MYO16: variants seen among roughly 807,000 people sequenced by gnomAD.
MYO16 encodes the protein unconventional myosin-XVI.
MYO16 carries 94 observed loss-of-function variants against 205.3 expected under a neutral mutation model. The ratio of observed to expected loss-of-function variants is 0.46; its 90% CI spans 0.39 to 0.54. The LOEUF is 0.54. Ranked by LOEUF, MYO16 falls within the 20% of genes least tolerant of loss-of-function variation. The pLI, the probability that MYO16 is intolerant of heterozygous loss-of-function variation, is 0.00. For missense variants in MYO16, 2,315 were observed against 2,387.5 expected (o/e 0.97, Z 0.63); for synonymous variants, 988 against 954.0 (o/e 1.04, Z -0.66).
Position 109,030,223 on chromosome 13 carries a change from G to T in MYO16, c.2796+10312G>T, listed in dbSNP as rs547661225. On this transcript the variant is annotated intron_variant, in intron 23 of 34. Transcript: ENST00000457511. ...TTAATGGGAAAGTAAAAGAATAGAAGCTCTTGCTTATAAATATTGATGATA... is the reference window on the plus strand; with the variant it reads ...TTAATGGGAAAGTAAAAGAATAGAATCTCTTGCTTATAAATATTGATGATA... Among the ~76,000 whole-genome samples the T allele has an allele frequency of 4.2e-4, 63 of 149,902 alleles. 1 individual carries two copies. The highest frequency in any genetic ancestry group is 2.7e-3 in the Admixed American group (41 of 15,084).
At chr13:108,611,255 C>G (rs1055944275) in intron 1 of MYO16, among the ~76,000 whole-genome samples, 2 of 151,874 alleles carry the variant, frequency 1.3e-5, no homozygotes, top group African/African-American at 4.8e-5. Context: ...TGGATCTGCT[C>G]TATTGTTTTC....
intron 4 of MYO16, among the ~76,000 whole-genome samples, chr13:108,778,367 C>T (rs999630281): frequency 2.6e-5 from 4 of 152,162 alleles, no homozygotes; most frequent in African/African-American, 9.7e-5. Flanking sequence ...GCCTGTGATC[C>T]CAACACTTTG....
chr13:108,637,554 CT>C (rs893153616), intron 1 of MYO16, among the ~76,000 whole-genome samples: 8 of 152,002 alleles, frequency 5.3e-5, no homozygotes, highest in African/African-American at 1.9e-4. Flanking sequence ...ACTCCTGGTC[CT>C]TTTCAAGGAG....
intron 1 of MYO16, among the ~76,000 whole-genome samples, chr13:108,610,429 G>A (rs1316164584): frequency 6.6e-6 from 1 of 152,062 alleles, no homozygotes; most frequent in East Asian, 1.9e-4. Context: ...GACCTGGAGC[G>A]CTTTGTGGGC....
At chr13:108,801,711 C>T (rs1367180842) in intron 6 of MYO16, among the ~76,000 whole-genome samples, 1 of 152,138 alleles carries the variant, frequency 6.6e-6, no homozygotes, top group African/African-American at 2.4e-5. Flanking sequence ...TGTGCTGGCT[C>T]CTTAAACTCT....
intron 2 of MYO16, among the ~76,000 whole-genome samples, chr13:108,694,955 A>C (rs1883033502): frequency 6.6e-6 from 1 of 152,154 alleles, no homozygotes; most frequent in East Asian, 1.9e-4. Context: ...TCTACTAAAA[A>C]TACAAAATTA....
intron 4 of MYO16, among the ~76,000 whole-genome samples, chr13:108,771,310 T>C (rs1885956502): frequency 6.6e-6 from 1 of 152,106 alleles, no homozygotes; most frequent in Non-Finnish European, 1.5e-5. Flanking sequence ...ATTTTCTACT[T>C]TTCCTTTTAT....
the MYO16 span, among the ~76,000 whole-genome samples, chr13:108,500,241 GTTT>G: frequency 4.3e-4 from 2 of 4,680 alleles, no homozygotes; most frequent in Admixed American, 3.4e-3. Context: ...TGTTTTTTTT[GTTT>G]TTTTTTTTTG....
chr13:109,040,610 A>G (rs1886856729), intron 23 of MYO16, among the ~76,000 whole-genome samples: 1 of 152,174 alleles, frequency 6.6e-6, no homozygotes, highest in Non-Finnish European at 1.5e-5. Context: ...AGAAGAAAAA[A>G]ATACATGATT....
chr13:108,880,747 G>A (rs1451707385), intron 12 of MYO16, among the ~76,000 whole-genome samples: 1 of 152,166 alleles, frequency 6.6e-6, no homozygotes, highest in African/African-American at 2.4e-5. Context: ...CCAGTACCAT[G>A]CTGTTTTGGT....
chr13:109,014,466 T>C (rs1885733822), intron 22 of MYO16, among the ~76,000 whole-genome samples: 2 of 152,214 alleles, frequency 1.3e-5, no homozygotes, highest in African/African-American at 4.8e-5. Flanking sequence ...TTTGGTTCCA[T>C]ATGAACTTTA....
intron 4 of MYO16, among the ~76,000 whole-genome samples, chr13:108,748,072 A>G (rs1164702420): frequency 1.3e-5 from 2 of 152,118 alleles, no homozygotes; most frequent in Non-Finnish European, 2.9e-5. Flanking sequence ...TCAATCTCAC[A>G]TGAATAATTC....
chr13:108,567,188 G>A, the MYO16 span, among the ~76,000 whole-genome samples: 10 of 152,070 alleles, frequency 6.6e-5, no homozygotes, highest in African/African-American at 1.9e-4. Flanking sequence ...GTTTAGCCTC[G>A]GAGATAACGA....
At chr13:109,146,547 T>C (rs1877339982) in intron 32 of MYO16, among the ~76,000 whole-genome samples, 1 of 151,242 alleles carries the variant, frequency 6.6e-6, no homozygotes, top group South Asian at 2.1e-4. Context: ...CTTTGGGAGG[T>C]TGAGGTGGAA....
intron 32 of MYO16, among the ~76,000 whole-genome samples, chr13:109,146,519 A>T (rs1877338248): frequency 6.6e-6 from 1 of 152,016 alleles, no homozygotes; most frequent in Admixed American, 6.6e-5. Context: ...ATGGTGGTTC[A>T]TGCCTATAAT....
chr13:108,971,213 G>A (rs1382798472), intron 20 of MYO16, among the ~76,000 whole-genome samples: 5 of 151,702 alleles, frequency 3.3e-5, no homozygotes, highest in Non-Finnish European at 1.5e-5. Context: ...CCTTCTTCAG[G>A]GTTTTGCAAG....
the MYO16 span, among the ~76,000 whole-genome samples, chr13:108,499,103 T>C: frequency 6.6e-6 from 1 of 152,248 alleles, no homozygotes; most frequent in Non-Finnish European, 1.5e-5. Context: ...TTTCAGAACA[T>C]GGTTGACTCA....
intron 12 of MYO16, among the ~76,000 whole-genome samples, chr13:108,868,777 C>T (rs756836411): frequency 3.3e-5 from 5 of 151,210 alleles, no homozygotes; most frequent in Admixed American, 6.6e-5. Context: ...AAAAATTAGC[C>T]GAGCATGGTG....
chr13:108,890,184 T>C (rs1258583521), intron 14 of MYO16, among the ~76,000 whole-genome samples: 3 of 145,232 alleles, frequency 2.1e-5, no homozygotes, highest in Non-Finnish European at 4.5e-5. Flanking sequence ...GCTCAAGTGA[T>C]CCACCTGCCT....
Sources: allele counts gnomAD v4.1 joint callset (sites outside exome capture counted in the v4.1 genomes callset), GRCh38; gene constraint gnomAD v4.1.1; transcripts MANE v1.5; gene names NCBI Gene and HGNC (gene_info 2026-07-23, HGNC 2026-07-21).